Variants in OBI1 observed in about 807,000 individuals in gnomAD.
The protein encoded by OBI1 is ORC ubiquitin ligase 1, also known as ring finger protein 219.
In OBI1, 59 loss-of-function variants were observed where a neutral mutation model predicts 62.4. The ratio of observed to expected loss-of-function variants is 0.95; its 90% CI spans 0.77 to 1.17. OBI1 has a LOEUF of 1.17. OBI1 is among the 50% of genes most tolerant of loss of function. The pLI is 0.00. For synonymous variants in OBI1, 302 were observed against 292.8 expected (o/e 1.03, Z -0.32); for missense variants, 875 against 830.9 (o/e 1.05, Z -0.65).
chr13:78,637,062 A>G (rs1170043209), intron 4 of OBI1, among the ~76,000 whole-genome samples: 6 of 152,240 alleles, frequency 3.9e-5, no homozygotes, highest in Non-Finnish European at 5.9e-5. Flanking sequence ...AGAATAATGA[A>G]TATTTCAGCT....
chr13:78,616,689 T>G lies in OBI1; in HGVS notation c.1072A>C (p.Thr358Pro), dbSNP rs756244953. 19 of 1,614,112 alleles carry G rather than the reference T, an allele frequency of 1.2e-5. No individual in the cohort carries two copies. Among genetic ancestry groups the G allele is most frequent in the Non-Finnish European group, 1.4e-5 (17 of 1,180,044 alleles). The change falls in exon 6 of 6, where the codon ACA becomes CCA. Residue 358 changes from threonine to proline, a missense_variant. Thr to Pro is a conservative substitution (Grantham distance 38, BLOSUM62 -1). Coordinates refer to ENST00000282003, the MANE Select transcript of OBI1 (RefSeq NM_024546.4). The stretch of plus-strand genomic sequence containing the variant: ...CTTTCCAAATAAGTATCCATACTTG[T>G]ATCTGTCACATCTAACATTACTTCT... ...QVEVMLDVTDTSMDTYLEREW... is the reference protein window; with the variant it reads ...QVEVMLDVTDPSMDTYLEREW...
At chr13:78,633,873 T>C (rs981431039) in intron 5 of OBI1, among the ~76,000 whole-genome samples, 1 of 151,664 alleles carries the variant, frequency 6.6e-6, no homozygotes, top group Non-Finnish European at 1.5e-5. Context: ...CGAGACCATC[T>C]TGGCTAACAC....
At chr13:78,656,039 T>C (rs1876692512) in intron 1 of OBI1, among the ~76,000 whole-genome samples, 1 of 152,170 alleles carries the variant, frequency 6.6e-6, no homozygotes, top group South Asian at 2.1e-4. Flanking sequence ...GGAATGCAAA[T>C]CTTCATTTTG....
intron 5 of OBI1, among the ~76,000 whole-genome samples, chr13:78,633,884 G>A (rs937628164): frequency 2.6e-5 from 4 of 151,934 alleles, no homozygotes; most frequent in Non-Finnish European, 4.4e-5. Flanking sequence ...TGGCTAACAC[G>A]GTGAAACCCC....
chr13:78,617,063 G>T lies in OBI1; in HGVS notation c.698C>A (p.Thr233Asn). The change falls in exon 6 of 6, where the codon ACC becomes AAC. Residue 233 changes from threonine (T) to asparagine (N), a missense_variant. Coordinates refer to ENST00000282003, the MANE Select transcript of OBI1 (RefSeq NM_024546.4). ...QSKVEQYERE[T>N]NRLKKALERS... Reference sequence around the variant, plus strand: ...TTCCAGGGCTTTCTTGAGGCGATTGGTTTCACGCTCATACTGTTCTACTTT... The same window carrying T: ...TTCCAGGGCTTTCTTGAGGCGATTGTTTTCACGCTCATACTGTTCTACTTT... 1 of 1,610,900 alleles carries T rather than the reference G, an allele frequency of 6.2e-7. No homozygotes were observed. The highest frequency in any genetic ancestry group is 8.5e-7 in the Non-Finnish European group (1 of 1,178,704).
intron 1 of OBI1, among the ~76,000 whole-genome samples, chr13:78,655,150 T>C (rs1717322928): frequency 6.6e-6 from 1 of 152,108 alleles, no homozygotes. Flanking sequence ...GCACGGCCAA[T>C]AAAAAGTATT....
chr13:78,622,291 T>A (rs74463717), intron 5 of OBI1, among the ~76,000 whole-genome samples: 1 of 151,238 alleles, frequency 6.6e-6, no homozygotes, highest in Non-Finnish European at 1.5e-5. Context: ...AAAAAAAAAA[T>A]ATATATCAGG....
intron 5 of OBI1, among the ~76,000 whole-genome samples, chr13:78,629,698 T>G (rs1366660107): frequency 1.3e-5 from 2 of 152,124 alleles, no homozygotes; most frequent in Non-Finnish European, 2.9e-5. Context: ...AGTACTTAAG[T>G]GTTCCCTTCA....
chr13:78,627,125 G>GA (rs1875694934), intron 5 of OBI1, among the ~76,000 whole-genome samples: 1 of 152,054 alleles, frequency 6.6e-6, no homozygotes, highest in African/African-American at 2.4e-5. Context: ...CTAAACTAGT[G>GA]AAAATGAGAA....
intron 1 of OBI1, among the ~76,000 whole-genome samples, chr13:78,658,135 A>C (rs1876764373): frequency 6.6e-6 from 1 of 152,182 alleles, no homozygotes; most frequent in South Asian, 2.1e-4. Flanking sequence ...TGTATTTCTC[A>C]AATCTGAGTC....
At chr13:78,656,143 A>G (rs896197969) in intron 1 of OBI1, among the ~76,000 whole-genome samples, 3 of 152,176 alleles carry the variant, frequency 2.0e-5, no homozygotes, top group African/African-American at 7.2e-5. Flanking sequence ...GCTATAGTAA[A>G]AGCTAACAGT....
chr13:78,643,730 G>A (rs1486828303), intron 2 of OBI1, among the ~76,000 whole-genome samples: 1 of 152,026 alleles, frequency 6.6e-6, no homozygotes, highest in Non-Finnish European at 1.5e-5. Flanking sequence ...AGAGGTTGCG[G>A]TGAGCCGAGA....
At chr13:78,623,827 T>C (rs1875585959) in intron 5 of OBI1, among the ~76,000 whole-genome samples, 1 of 152,206 alleles carries the variant, frequency 6.6e-6, no homozygotes, top group Non-Finnish European at 1.5e-5. Context: ...TCAGTAAACA[T>C]TTATCAAACC....
chr13:78,620,543 A>G lies in OBI1; in HGVS notation c.639-3421T>C, dbSNP rs1230637635. On this transcript the variant is annotated intron_variant, in intron 5 of 5. Transcript: ENST00000282003. The stretch of plus-strand genomic sequence containing the variant: ...GAGCTACAATTGATATCGGAACTGT[A>G]TTCTGCCAGAATCTAACAGAAGCTT... 3 of 451,966 alleles carry G rather than the reference A, an allele frequency of 6.6e-6. No homozygotes were observed. In the Admixed American group the frequency reaches 7.1e-5, roughly 11 times the overall value. 28.0% of individuals were successfully genotyped at this position (451,966 alleles called of 1,614,324 possible). A position where few individuals can be genotyped will look rare whatever the true frequency, so the allele number is the denominator to read the frequency against.
rs77038631 is a variant in OBI1 at position 78,650,839 on chromosome 13, C to T, written c.73-5842G>A. Reference sequence around the variant, plus strand: ...GCTGCCTCAACCATAATTTGGCCTCCACTACACACTTGCTCCTCTTCCTGC... The same window carrying T: ...GCTGCCTCAACCATAATTTGGCCTCTACTACACACTTGCTCCTCTTCCTGC... On this transcript the variant is annotated intron_variant, in intron 1 of 5. Coordinates refer to ENST00000282003, the MANE Select transcript of OBI1 (RefSeq NM_024546.4). 7.4e-3 allele frequency among the ~76,000 whole-genome samples: 1,120 copies of T among 152,196 alleles called. 19 individuals are homozygous for T. Among genetic ancestry groups the T allele is most frequent in the African/African-American group, 0.026 (1,070 of 41,508 alleles).
At chr13:78,640,397 A>G (rs1472997797) in intron 3 of OBI1, among the ~76,000 whole-genome samples, 1 of 152,150 alleles carries the variant, frequency 6.6e-6, no homozygotes, top group African/African-American at 2.4e-5. Context: ...TACAAAGTAA[A>G]TGTCATACAA....
chr13:78,625,184 TTCA>T (rs1875630363), intron 5 of OBI1, among the ~76,000 whole-genome samples: 1 of 152,226 alleles, frequency 6.6e-6, no homozygotes, highest in African/African-American at 2.4e-5. Flanking sequence ...GACATGCTAT[TTCA>T]TATCTTTTTA....
intron 4 of OBI1, among the ~76,000 whole-genome samples, chr13:78,638,153 G>C (rs1475217445): frequency 1.3e-5 from 2 of 152,146 alleles, no homozygotes; most frequent in Admixed American, 1.3e-4. Context: ...GGTGTTGTAG[G>C]AGTTGCCTGT....
chr13:78,655,772 T>A (rs889719744), intron 1 of OBI1, among the ~76,000 whole-genome samples: 3 of 152,136 alleles, frequency 2.0e-5, no homozygotes, highest in Admixed American at 6.5e-5. Flanking sequence ...AGAACAATTA[T>A]CTTTAAAAAA....
Sources: gnomAD v4.1 joint callset for allele counts (sites outside exome capture counted in the v4.1 genomes callset) on GRCh38, gnomAD v4.1.1 for gene constraint, MANE v1.5 for transcripts, NCBI Gene and HGNC (gene_info 2026-07-23, HGNC 2026-07-21) for gene names.